The following NRBP2 variants were observed in gnomAD, a reference collection of about 807,000 sequenced individuals.
NRBP2 encodes nuclear receptor-binding protein 2.
Under a neutral mutation model 74.4 loss-of-function variants are expected in NRBP2, and 47 were observed. The observed-to-expected ratio is 0.63, with a 90% CI of 0.50 to 0.81. NRBP2 has a LOEUF of 0.81. Among genes scored for constraint, NRBP2 ranks in the 30% least tolerant of loss-of-function variants. The probability of loss-of-function intolerance (pLI) is 0.00; values close to 1 mark genes in which losing one functional copy is unlikely to be tolerated. For missense variants in NRBP2, 613 were observed against 690.1 expected (o/e 0.89, Z 1.25); for synonymous variants, 312 against 273.8 (o/e 1.14, Z -1.38).
rs1156931933 is a variant in NRBP2, at chr8:143,834,100, G to C, written c.*1562C>G. Reference sequence around the variant, plus strand: ...TAATCCCTGGAACCAGTGAATGTTAGTTTACATGGCAAAATGTGTCCTGCA... The same window carrying C: ...TAATCCCTGGAACCAGTGAATGTTACTTTACATGGCAAAATGTGTCCTGCA... On this transcript the variant is annotated 3_prime_UTR_variant, in exon 18 of 18. Transcript: ENST00000442628. The C allele has an allele frequency of 2.0e-5, 3 of 152,190 alleles. No homozygotes were observed. Among genetic ancestry groups the C allele is most frequent in the African/African-American group, 4.8e-5 (2 of 41,448 alleles). 9.4% of individuals were successfully genotyped at this position (152,190 alleles called of 1,614,324 possible).
chr8:143,837,613 T>A lies in NRBP2; in HGVS notation c.973+10A>T. ...TCCCCAGCCACCCCCCGGGCCGGCC[T>A]GCTGCTCACACTGGTGCTGGATGAA... On this transcript the variant is annotated intron_variant, in intron 11 of 17. Transcript: ENST00000442628. The surrounding 1 kb of genome is among the most constrained non-coding windows in gnomAD (Gnocchi z 4.3). The A allele has an allele frequency of 6.2e-7, 1 of 1,600,498 alleles. No individual in the cohort carries two copies. Among genetic ancestry groups the A allele is most frequent in the Non-Finnish European group, 8.5e-7 (1 of 1,173,968 alleles).
At position 143,840,373 on chromosome 8, in the gene NRBP2, G is replaced by A; in HGVS notation, c.130-144C>T. On this transcript the variant is annotated intron_variant, in intron 1 of 17. Coordinates refer to ENST00000442628, the MANE Select transcript of NRBP2 (RefSeq NM_178564.4). This position sits in a 1 kb window ranked among gnomAD's most constrained non-coding sequence, Gnocchi z 5.7. The stretch of plus-strand genomic sequence containing the variant: ...TCTGCGGGAAGGTGGGGCTTGGAGG[G>A]TAGCTGCCCCCAGGAGCCAAGGGCT... The A allele has an allele frequency of 8.8e-7, 1 of 1,142,288 alleles. No individual in the cohort carries two copies. The highest frequency in any genetic ancestry group is 1.2e-6 in the Non-Finnish European group (1 of 827,392). The allele number at this position is 1,142,288 out of a possible 1,614,324, so 70.8% of individuals were successfully genotyped here.
chr8:143,836,045 G>A lies in NRBP2; in HGVS notation c.1318-15C>T. 6.4e-7 allele frequency: 1 copy of A among 1,562,182 alleles called. No homozygotes were observed. Among genetic ancestry groups the A allele is most frequent in the African/African-American group, 1.4e-5 (1 of 72,550 alleles). ...AGCAGAGTGAGCTGGGGAGGCGGCG[G>A]GGCGTGGTCGGCTGGGGGTTCAGGG... On this transcript the variant is annotated splice_polypyrimidine_tract_variant and intron_variant, in intron 15 of 17. Coordinates refer to ENST00000442628, the MANE Select transcript of NRBP2 (RefSeq NM_178564.4).
At position 143,840,491 on chromosome 8, in the gene NRBP2, G is replaced by A. The variant is rs1199508862; in HGVS notation, c.129+215C>T. On this transcript the variant is annotated intron_variant, in intron 1 of 17. Transcript: ENST00000442628. The surrounding 1 kb of genome is among the most constrained non-coding windows in gnomAD (Gnocchi z 5.7). Reference sequence around the variant, plus strand: ...GCTAGCGGCTGAGTCCAGAGGCATGGGGAGGTGGTCCTGGGAGGAGACTGG... The same window carrying A: ...GCTAGCGGCTGAGTCCAGAGGCATGAGGAGGTGGTCCTGGGAGGAGACTGG... The A allele has an allele frequency of 3.0e-6, 2 of 657,718 alleles. No individual in the cohort carries two copies. Among genetic ancestry groups the A allele is most frequent in the East Asian group, 2.8e-5 (1 of 35,902 alleles). The allele number at this position is 657,718 out of a possible 1,614,324, so 40.7% of individuals were successfully genotyped here. A position where few individuals can be genotyped will look rare whatever the true frequency, so the allele number is the denominator to read the frequency against.
chr8:143,832,164 G>T (rs1375895718), downstream of NRBP2, among the ~76,000 whole-genome samples: 1 of 152,106 alleles, frequency 6.6e-6, no homozygotes, highest in African/African-American at 2.4e-5. Flanking sequence ...TCAACTCAGA[G>T]TTGAATGGAT....
chr8:143,839,357 G>A lies in NRBP2; in HGVS notation c.537C>T (p.Asp179=). The change falls in exon 6 of 18, where the codon GAC becomes GAT. Residue 179 remains aspartate, a synonymous_variant. Coordinates refer to ENST00000442628, the MANE Select transcript of NRBP2 (RefSeq NM_178564.4). The surrounding 1 kb of genome is among the most constrained non-coding windows in gnomAD (Gnocchi z 5.1). ...PPIIHGNLTS[D]TIFIQHNGLI... ...GGCCGTTGTGCTGAATGAAGATGGT[G>A]TCGCTGGTCAGGTTCCCGTGGATGA... 1 of 1,590,756 alleles carries A rather than the reference G, an allele frequency of 6.3e-7. No individual in the cohort carries two copies. Among genetic ancestry groups the A allele is most frequent in the Non-Finnish European group, 8.5e-7 (1 of 1,175,620 alleles).
rs1818261672 is a variant in NRBP2, at chr8:143,834,131, G to A, written c.*1531C>T. The A allele has an allele frequency of 6.6e-6, 1 of 152,210 alleles. No individual in the cohort carries two copies. The highest frequency in any genetic ancestry group is 2.4e-5 in the African/African-American group (1 of 41,440). The allele number at this position is 152,210 out of a possible 1,614,324, so 9.4% of individuals were successfully genotyped here. A position where few individuals can be genotyped will look rare whatever the true frequency, so the allele number is the denominator to read the frequency against. On this transcript the variant is annotated 3_prime_UTR_variant, in exon 18 of 18. Transcript: ENST00000442628. ...ATGGCAAAATGTGTCCTGCAGATGT[G>A]TTTAATATTAAAAACCTTGAGGAGG...
At position 143,837,208 on chromosome 8, in the gene NRBP2, C is replaced by A; in HGVS notation, c.1128-34G>T. 6.2e-7 allele frequency: 1 copy of A among 1,613,858 alleles called. No homozygotes were observed. On this transcript the variant is annotated intron_variant, in intron 13 of 17. Transcript: ENST00000442628. This position sits in a 1 kb window ranked among gnomAD's most constrained non-coding sequence, Gnocchi z 4.3. ...ACAACAGGGTGGCTGGGGGTTCAGG[C>A]CTGACAGCTGCCTGGCCCCCAACCT...
downstream of NRBP2, among the ~76,000 whole-genome samples, chr8:143,832,364 C>A (rs1214494350): frequency 6.6e-6 from 1 of 151,968 alleles, no homozygotes; most frequent in Admixed American, 6.6e-5. Flanking sequence ...AATATGGCCT[C>A]GTGGGATGGG....
In NRBP2 at chr8:143,834,251, G is replaced by C. The variant is rs1030901313; in HGVS notation, c.*1411C>G. 4 of 152,252 alleles carry C rather than the reference G, an allele frequency of 2.6e-5. No homozygotes were observed. The highest frequency in any genetic ancestry group is 9.6e-5 in the African/African-American group (4 of 41,464). 9.4% of individuals were successfully genotyped at this position (152,252 alleles called of 1,614,324 possible). Reference sequence around the variant, plus strand: ...CTGCAGGGAACCAGAGAAATGGTTCGTGACACAGACTGAACCTGCTAGCTC... The same window carrying C: ...CTGCAGGGAACCAGAGAAATGGTTCCTGACACAGACTGAACCTGCTAGCTC... On this transcript the variant is annotated 3_prime_UTR_variant, in exon 18 of 18. Transcript: ENST00000442628.
chr8:143,838,359 C>G (rs1273825127), intron 10 of NRBP2, among the ~76,000 whole-genome samples: 1 of 152,204 alleles, frequency 6.6e-6, no homozygotes, highest in African/African-American at 2.4e-5. Context: ...GATGTTGGCT[C>G]CACCACTCAC....
chr8:143,839,463 G>C lies in NRBP2; in HGVS notation c.485+46C>G. The C allele has an allele frequency of 6.5e-7, 1 of 1,532,476 alleles. No homozygotes were observed. Among genetic ancestry groups the C allele is most frequent in the Non-Finnish European group, 8.7e-7 (1 of 1,144,512 alleles). 94.9% of individuals were successfully genotyped at this position (1,532,476 alleles called of 1,614,324 possible). On this transcript the variant is annotated intron_variant, in intron 5 of 17. Transcript: ENST00000442628. This position sits in a 1 kb window ranked among gnomAD's most constrained non-coding sequence, Gnocchi z 5.1. ...GGAGCCGGTCAGGAGGCTCTGGAGA[G>C]ATGGGGGCTCGGTGGCGCCGCGCCC...
Position 143,840,719 on chromosome 8 carries a change from T to C in NRBP2, c.116A>G (p.Lys39Arg). 1.3e-6 allele frequency: 2 copies of C among 1,506,360 alleles called. No homozygotes were observed. The highest frequency in any genetic ancestry group is 1.8e-6 in the Non-Finnish European group (2 of 1,132,788). 93.3% of individuals were successfully genotyped at this position (1,506,360 alleles called of 1,614,324 possible). A position where few individuals can be genotyped will look rare whatever the true frequency, so the allele number is the denominator to read the frequency against. The change falls in exon 1 of 18, where the codon AAG becomes AGG. Residue 39 changes from lysine (K) to arginine (R), a missense_variant. Transcript: ENST00000442628. The surrounding 1 kb of genome is among the most constrained non-coding windows in gnomAD (Gnocchi z 5.7). ...CCCCGCGCCCACCTGCTCCCGTCGC[T>C]TTTGCCAGCGACCACACGGGCTTTC... is the stretch of plus-strand genomic sequence containing the variant. ...LEESPCGRWQ[K>R]RREQVNQGNM...
At position 143,840,325 on chromosome 8, in the gene NRBP2, G is replaced by A; in HGVS notation, c.130-96C>T. The A allele has an allele frequency of 6.8e-7, 1 of 1,461,112 alleles. No individual in the cohort carries two copies. The highest frequency in any genetic ancestry group is 2.5e-5 in the East Asian group (1 of 40,372). 90.5% of individuals were successfully genotyped at this position (1,461,112 alleles called of 1,614,324 possible). A position where few individuals can be genotyped will look rare whatever the true frequency, so the allele number is the denominator to read the frequency against. On this transcript the variant is annotated intron_variant, in intron 1 of 17. Transcript: ENST00000442628. The surrounding 1 kb of genome is among the most constrained non-coding windows in gnomAD (Gnocchi z 5.7). Reference sequence around the variant, plus strand: ...CCACACCTTTCCAGTGGGCCCAAGCGTGGGCTGCAGGCCCTGAGCCACTCT... The same window carrying A: ...CCACACCTTTCCAGTGGGCCCAAGCATGGGCTGCAGGCCCTGAGCCACTCT...
chr8:143,831,507 G>C (rs1818165213), downstream of NRBP2, among the ~76,000 whole-genome samples: 4 of 151,944 alleles, frequency 2.6e-5, no homozygotes, highest in South Asian at 8.3e-4. Flanking sequence ...TGTAGTCCTA[G>C]CTACTAGAGA....
rs1554653351 is a variant in NRBP2, at chr8:143,840,123, G to C, written c.236C>G (p.Ala79Gly). ...CGGTCTCACCTCGTGCGCCGCGAAG[G>C]CCTTCCTGTCTCCGAAGTGGAGCTC... ...WNELHFGDRK[A>G]FAAHEEKIQT... The change falls in exon 2 of 18, where the codon GCC (alanine) becomes GGC (glycine). Residue 79 changes from alanine (A) to glycine (G), a missense_variant. By Grantham distance (60) the Ala-to-Gly change is moderately conservative. This residue lies in a region of NRBP2 where 332 missense variants were observed against 429.2 expected (regional missense o/e 0.77). Coordinates refer to ENST00000442628, the MANE Select transcript of NRBP2 (RefSeq NM_178564.4). This position sits in a 1 kb window ranked among gnomAD's most constrained non-coding sequence, Gnocchi z 5.7. 78 of 1,536,016 alleles carry C rather than the reference G, an allele frequency of 5.1e-5. No individual in the cohort carries two copies. Among genetic ancestry groups the C allele is most frequent in the Non-Finnish European group, 5.2e-6 (6 of 1,146,910 alleles).
At position 143,837,559 on chromosome 8, in the gene NRBP2, A is replaced by C; in HGVS notation, c.974-50T>G. ...GGTGTGCTCAGGCCGTGGGTCCTGCAGGGCCCCTTCCACGTCCCAACCTCC... is the reference window on the plus strand; with the variant it reads ...GGTGTGCTCAGGCCGTGGGTCCTGCCGGGCCCCTTCCACGTCCCAACCTCC... On this transcript the variant is annotated intron_variant, in intron 11 of 17. Transcript: ENST00000442628. The surrounding 1 kb of genome is among the most constrained non-coding windows in gnomAD (Gnocchi z 4.3). 6.3e-7 allele frequency: 1 copy of C among 1,595,384 alleles called. No individual in the cohort carries two copies. Among genetic ancestry groups the C allele is most frequent in the Non-Finnish European group, 8.5e-7 (1 of 1,171,370 alleles).
rs1038108194 is a variant in NRBP2, at chr8:143,835,875, G to A, written c.1382C>T (p.Thr461Met). The change falls in exon 17 of 18, where the codon ACG (threonine) becomes ATG (methionine). Residue 461 changes from threonine (T) to methionine (M), a missense_variant and splice_region_variant. Around this residue, in one of 2 missense-constraint regions of NRBP2, gnomAD observed 281 missense variants for 260.9 expected, o/e 1.08. Transcript: ENST00000442628. The surrounding 1 kb of genome is among the most constrained non-coding windows in gnomAD (Gnocchi z 4.9). ...HRQLTYDLLP[T>M]DSAQDLASEL... ...CGAGGCGAGGTCCTGGGCGCTGTCC[G>A]CTGAGGCAATGGCGTAAGGCGAGGC... 1.6e-5 allele frequency: 26 copies of A among 1,602,966 alleles called. No individual in the cohort carries two copies. The highest frequency in any genetic ancestry group is 5.3e-5 in the African/African-American group (4 of 74,828).
rs782666145 is a variant in NRBP2, at chr8:143,837,457, G to A, written c.1026C>T (p.His342=). 23 of 1,610,516 alleles carry A rather than the reference G, an allele frequency of 1.4e-5. No homozygotes were observed. Among genetic ancestry groups the A allele is most frequent in the Middle Eastern group, 1.7e-4 (1 of 6,058 alleles). Residue 342 remains histidine, a synonymous_variant, in exon 12 of 18, where the codon CAC becomes CAT. Transcript: ENST00000442628. The surrounding 1 kb of genome is among the most constrained non-coding windows in gnomAD (Gnocchi z 4.3). ...GCCGGGGAAGCTCCGCCAAGACCGC[G>A]TGCAGGTCCATGGCCTTGGTCTTCT... The part of the protein sequence containing the change: ...VEEKTKAMDL[H]AVLAELPRPR...
Sources: allele counts gnomAD v4.1 joint callset (sites outside exome capture counted in the v4.1 genomes callset), GRCh38; gene constraint gnomAD v4.1.1; regional missense constraint gnomAD v4.1.1; non-coding constraint Gnocchi (gnomAD v3.1); transcripts MANE v1.5; gene names NCBI Gene and HGNC (gene_info 2026-07-23, HGNC 2026-07-21).